NRG1: variants seen among roughly 807,000 people sequenced by gnomAD.
NRG1 encodes pro-neuregulin-1, membrane-bound isoform.
NRG1 carries 18 observed loss-of-function variants against 63.8 expected under a neutral mutation model. The ratio of observed to expected loss-of-function variants is 0.28; its 90% CI spans 0.19 to 0.42. NRG1 has a LOEUF of 0.42. Ranked by LOEUF, NRG1 falls within the 10% of genes least tolerant of loss-of-function variation. The pLI is 1.00. For synonymous variants in NRG1, 302 were observed against 301.3 expected, an observed-to-expected ratio of 1.00 and a Z score of -0.02; for missense variants, 762 against 814.7, an observed-to-expected ratio of 0.94 and a Z score of 0.79.
intron 1 of NRG1, among the ~76,000 whole-genome samples, chr8:32,283,059 C>A (rs1389356533): frequency 6.6e-6 from 1 of 152,080 alleles, no homozygotes; most frequent in African/African-American, 2.4e-5. Context: ...AAATACCAAG[C>A]TAAAGGGCAT....
intron 1 of NRG1, among the ~76,000 whole-genome samples, chr8:32,349,356 T>G (rs1454083929): frequency 6.6e-6 from 1 of 152,208 alleles, no homozygotes; most frequent in Non-Finnish European, 1.5e-5. Context: ...TTGAATTTTT[T>G]TAATCCATCT....
chr8:32,475,524 A>G (rs375698119), intron 1 of NRG1, among the ~76,000 whole-genome samples: 1 of 148,036 alleles, frequency 6.8e-6, no homozygotes. Context: ...ATTTCTGTGC[A>G]TGTATTCTTT....
chr8:31,785,926 T>C (rs1473652513), intron 1 of NRG1, among the ~76,000 whole-genome samples: 8 of 152,174 alleles, frequency 5.3e-5, no homozygotes, highest in Admixed American at 5.2e-4. Context: ...AAACATCCTT[T>C]AGAACTAGGT....
chr8:32,148,044 C>A lies in NRG1; in HGVS notation c.38-447784C>A, dbSNP rs543381668. On this transcript the variant is annotated intron_variant, in intron 1 of 10. Coordinates refer to the NRG1 transcript ENST00000519301. Reference sequence around the variant, plus strand: ...GTGAAAGTCTTTTATAATGTGAAAACAAAGGTTTTTTTGTTATTATGTGCA... The same window carrying A: ...GTGAAAGTCTTTTATAATGTGAAAAAAAAGGTTTTTTTGTTATTATGTGCA... Among the ~76,000 whole-genome samples the A allele has an allele frequency of 2.6e-5, 4 of 152,116 alleles. No individual in the cohort carries two copies. In the South Asian group the frequency reaches 8.3e-4, roughly 32 times the overall value.
At position 32,091,256 on chromosome 8, in the gene NRG1, C is replaced by T. The variant is rs191707289; in HGVS notation, c.37+451825C>T. On this transcript the variant is annotated intron_variant, in intron 1 of 10. Coordinates refer to the NRG1 transcript ENST00000519301. ...TCACGCCACTGCACTCCAGCCTAGGCGACAGAGCGAGACTTGGTCTCAAAA... is the reference window on the plus strand; with the variant it reads ...TCACGCCACTGCACTCCAGCCTAGGTGACAGAGCGAGACTTGGTCTCAAAA... Among the ~76,000 whole-genome samples, 92 of 144,190 alleles carry T rather than the reference C, an allele frequency of 6.4e-4. No individual in the cohort carries two copies. The East Asian group carries it at 0.012, about 19-fold the overall frequency. 94.6% of individuals were successfully genotyped at this position (144,190 alleles called of 152,430 possible). A position where few individuals can be genotyped will look rare whatever the true frequency, so the allele number is the denominator to read the frequency against.
intron 1 of NRG1, among the ~76,000 whole-genome samples, chr8:31,878,363 G>A (rs1183093075): frequency 6.6e-6 from 1 of 152,106 alleles, no homozygotes; most frequent in Non-Finnish European, 1.5e-5. Context: ...CATAGATGAT[G>A]TAACTTATTA....
intron 1 of NRG1, among the ~76,000 whole-genome samples, chr8:32,133,257 C>T (rs913145550): frequency 1.3e-5 from 2 of 152,078 alleles, no homozygotes; most frequent in African/African-American, 4.8e-5. Flanking sequence ...GTGTAACAAT[C>T]AGCTCCTAGA....
intron 1 of NRG1, among the ~76,000 whole-genome samples, chr8:32,199,561 A>G (rs1335162126): frequency 2.6e-5 from 4 of 152,182 alleles, no homozygotes; most frequent in African/African-American, 9.7e-5. Flanking sequence ...TGTCTTTCAC[A>G]TATGATTGGT....
At chr8:31,996,124 A>T (rs1811930904) in intron 1 of NRG1, among the ~76,000 whole-genome samples, 1 of 151,428 alleles carries the variant, frequency 6.6e-6, no homozygotes, top group Non-Finnish European at 1.5e-5. Context: ...TGTTTCTTCC[A>T]AACTTGTATT....
At position 31,925,937 on chromosome 8, in the gene NRG1, G is replaced by C. The variant is rs188481165; in HGVS notation, c.37+286506G>C. On this transcript the variant is annotated intron_variant, in intron 1 of 10. Transcript: ENST00000519301. ...TTTAAACCATCCACCAGGTCCATTT[G>C]TGCTGAGTTTTCTCCTGGTTTTCAG... Among the ~76,000 whole-genome samples, 68 of 152,266 alleles carry C rather than the reference G, an allele frequency of 4.5e-4. No individual in the cohort carries two copies. The Middle Eastern group carries it at 0.014, about 30-fold the overall frequency.
chr8:32,337,791 GTT>G lies in NRG1; in HGVS notation c.38-258034_38-258033del, dbSNP rs1316567759. ...CATATCCCTGCAATCTATAAAGTCT[GTT>G]TTCTCTGACAGTGTCAGAGTTGGAA... On this transcript the variant is annotated intron_variant, in intron 1 of 10. Coordinates refer to the NRG1 transcript ENST00000519301. Among the ~76,000 whole-genome samples the G allele has an allele frequency of 1.4e-4, 21 of 150,594 alleles. No individual in the cohort carries two copies. In the Admixed American group the frequency reaches 1.4e-3, roughly 10 times the overall value.
At chr8:32,700,925 A>G (rs1205067943) in intron 5 of NRG1, among the ~76,000 whole-genome samples, 2 of 151,966 alleles carry the variant, frequency 1.3e-5, no homozygotes, top group African/African-American at 4.8e-5. Flanking sequence ...GGAACTGGCT[A>G]TGTCCCCTCC....
intron 1 of NRG1, among the ~76,000 whole-genome samples, chr8:31,855,224 C>G (rs1407992485): frequency 6.6e-6 from 1 of 152,024 alleles, no homozygotes; most frequent in Non-Finnish European, 1.5e-5. Context: ...TTAAAGTCTC[C>G]CATTAACAAT....
chr8:32,390,081 AT>A (rs1391052135), intron 1 of NRG1, among the ~76,000 whole-genome samples: 1 of 151,456 alleles, frequency 6.6e-6, no homozygotes, highest in Non-Finnish European at 1.5e-5. Context: ...ACTGTTCGTC[AT>A]TTTTTTCCCT....
chr8:32,608,967 A>G (rs1256222499), intron 3 of NRG1, among the ~76,000 whole-genome samples: 1 of 152,142 alleles, frequency 6.6e-6, no homozygotes, highest in Admixed American at 6.5e-5. Context: ...ATTGTTGCAT[A>G]TTCATTAAAA....
intron 5 of NRG1, chr8:32,648,156 G>A (rs765060269): frequency 2.5e-6 from 4 of 1,614,102 alleles, no homozygotes; most frequent in Non-Finnish European, 3.4e-6. Flanking sequence ...TGTCTCTAGG[G>A]CTCAATCTGA....
At chr8:31,982,225 GA>G (rs2129630972) in intron 1 of NRG1, among the ~76,000 whole-genome samples, 1 of 152,114 alleles carries the variant, frequency 6.6e-6, no homozygotes, top group Admixed American at 6.6e-5. Flanking sequence ...GATTAGATTT[GA>G]AAAGATCATT....
chr8:32,409,202 G>C (rs1484885599), intron 1 of NRG1, among the ~76,000 whole-genome samples: 1 of 152,078 alleles, frequency 6.6e-6, no homozygotes, highest in Non-Finnish European at 1.5e-5. Context: ...CTAGCCATAT[G>C]CAGAACAATG....
intron 1 of NRG1, among the ~76,000 whole-genome samples, chr8:32,315,085 A>T (rs1857231734): frequency 6.6e-6 from 1 of 152,036 alleles, no homozygotes; most frequent in Admixed American, 6.6e-5. Flanking sequence ...TTTCTTTTTT[A>T]AATTTTATTT....
Sources: allele counts gnomAD v4.1 joint callset (sites outside exome capture counted in the v4.1 genomes callset), GRCh38; gene constraint gnomAD v4.1.1; transcripts MANE v1.5; gene names NCBI Gene and HGNC (gene_info 2026-07-23, HGNC 2026-07-21).